ATRNL1: variants seen among roughly 807,000 people sequenced by gnomAD.
ATRNL1 encodes attractin like 1.
In ATRNL1, 95 loss-of-function variants were observed where a neutral mutation model predicts 182.7. The observed-to-expected ratio is 0.52, with a 90% CI of 0.44 to 0.62. The LOEUF (loss-of-function observed/expected upper bound fraction) is 0.62. ATRNL1 is among the 20% of genes least tolerant of loss of function. The pLI is 0.00. For missense variants in ATRNL1, 1,471 were observed against 1,679.5 expected, an observed-to-expected ratio of 0.88 and a Z score of 2.17; for synonymous variants, 576 against 568.3, an observed-to-expected ratio of 1.01 and a Z score of -0.19.
intron 1 of ATRNL1, chr10:115,096,601 T>A: frequency 1.7e-6 from 2 of 1,167,182 alleles, no homozygotes; most frequent in Non-Finnish European, 2.3e-6. Flanking sequence ...GTGTCAAAAT[T>A]AATTGGTTGG....
intron 26 of ATRNL1, among the ~76,000 whole-genome samples, chr10:115,721,147 G>A (rs1285813158): frequency 1.3e-5 from 2 of 152,098 alleles, no homozygotes; most frequent in Non-Finnish European, 2.9e-5. Flanking sequence ...GTTCTGTGAG[G>A]TTCCTGCCAG....
intron 17 of ATRNL1, among the ~76,000 whole-genome samples, chr10:115,314,228 C>G (rs782628017): frequency 6.6e-6 from 1 of 152,108 alleles, no homozygotes; most frequent in Non-Finnish European, 1.5e-5. Context: ...GATACGTACT[C>G]TCTACCTTCC....
Position 115,217,080 on chromosome 10 carries a change from T to C in ATRNL1, c.1532+1200T>C, listed in dbSNP as rs114480632. Among the ~76,000 whole-genome samples the C allele has an allele frequency of 5.5e-3, 834 of 151,776 alleles. 5 individuals are homozygous for C. The highest frequency in any genetic ancestry group is 0.018 in the African/African-American group (745 of 41,162). On this transcript the variant is annotated intron_variant, in intron 9 of 28. Coordinates refer to ENST00000355044, the MANE Select transcript of ATRNL1 (RefSeq NM_207303.4). ...GTCTGTTACACATTTTAAACATGTATTTAATTTAATTTAATTTATTTATTT... is the reference window on the plus strand; with the variant it reads ...GTCTGTTACACATTTTAAACATGTACTTAATTTAATTTAATTTATTTATTT...
intron 28 of ATRNL1, among the ~76,000 whole-genome samples, chr10:115,856,194 C>G (rs868978468): frequency 6.6e-6 from 1 of 151,580 alleles, no homozygotes; most frequent in Admixed American, 6.6e-5. Context: ...TTTGGGAGGC[C>G]GAGGCAGGTG....
chr10:115,257,295 T>A (rs1263854265), intron 10 of ATRNL1, among the ~76,000 whole-genome samples: 4 of 152,212 alleles, frequency 2.6e-5, no homozygotes, highest in African/African-American at 7.2e-5. Flanking sequence ...GGGCTTGCTT[T>A]ATCAGTCTGG....
intron 28 of ATRNL1, among the ~76,000 whole-genome samples, chr10:115,871,019 A>C (rs1015267392): frequency 6.6e-6 from 1 of 152,302 alleles, no homozygotes; most frequent in African/African-American, 2.4e-5. Flanking sequence ...ACATTAGATA[A>C]CACAAATATT....
At chr10:115,362,659 A>G (rs1169514152) in intron 19 of ATRNL1, among the ~76,000 whole-genome samples, 2 of 151,986 alleles carry the variant, frequency 1.3e-5, no homozygotes, top group Non-Finnish European at 2.9e-5. Flanking sequence ...TCCCAATGCT[A>G]TCCCTCCCAC....
In ATRNL1 at chr10:115,615,151, A is replaced by G. The variant is rs569313694; in HGVS notation, c.3795+65615A>G. Among the ~76,000 whole-genome samples, 109 of 152,186 alleles carry G rather than the reference A, an allele frequency of 7.2e-4. No individual in the cohort carries two copies. In the South Asian group the frequency reaches 0.02, roughly 28 times the overall value. On this transcript the variant is annotated intron_variant, in intron 26 of 28. Coordinates refer to ENST00000355044, the MANE Select transcript of ATRNL1 (RefSeq NM_207303.4). ...TGGTTTGGTGGTTTTCTGCAATGAT[A>G]ACATTTGATTCCTTTCTCTTTCTCA...
chr10:115,114,417 C>T (rs1844388529), intron 1 of ATRNL1, among the ~76,000 whole-genome samples: 1 of 152,068 alleles, frequency 6.6e-6, no homozygotes, highest in South Asian at 2.1e-4. Flanking sequence ...CAAGAAGCTT[C>T]TATACATCAA....
chr10:115,484,918 A>G (rs1848948431), intron 24 of ATRNL1, among the ~76,000 whole-genome samples: 1 of 151,880 alleles, frequency 6.6e-6, no homozygotes. Flanking sequence ...AATCAGGAGC[A>G]TGCAATAGGG....
chr10:115,676,543 A>G (rs150661056), intron 26 of ATRNL1, among the ~76,000 whole-genome samples: 2 of 152,080 alleles, frequency 1.3e-5, no homozygotes, highest in African/African-American at 4.8e-5. Context: ...ATCTCTGTCT[A>G]TGTATGTATA....
chr10:115,322,807 A>T (rs1170504931), intron 18 of ATRNL1, among the ~76,000 whole-genome samples: 1 of 152,092 alleles, frequency 6.6e-6, no homozygotes, highest in Non-Finnish European at 1.5e-5. Context: ...ATATATTATT[A>T]TACTGCTTAC....
intron 17 of ATRNL1, among the ~76,000 whole-genome samples, chr10:115,313,269 T>G (rs1194658786): frequency 6.6e-6 from 1 of 152,106 alleles, no homozygotes; most frequent in Non-Finnish European, 1.5e-5. Context: ...CTTATAATTA[T>G]TTTTGAATTT....
intron 24 of ATRNL1, among the ~76,000 whole-genome samples, chr10:115,469,782 T>C (rs1554971765): frequency 1.3e-5 from 2 of 150,594 alleles, no homozygotes; most frequent in African/African-American, 4.8e-5. Context: ...CCTCTCATCA[T>C]TAATTTCCTA....
Position 115,572,470 on chromosome 10 carries a change from G to T in ATRNL1, c.3795+22934G>T, listed in dbSNP as rs565934000. Among the ~76,000 whole-genome samples, 396 of 152,194 alleles carry T rather than the reference G, an allele frequency of 2.6e-3. 1 individual carries two copies. The highest frequency in any genetic ancestry group is 9.0e-3 in the African/African-American group (372 of 41,528). ...ACTAATTCTCACTCTACAATCTAGG[G>T]TTTTACCTTCAAAAACTAGGTACAT... On this transcript the variant is annotated intron_variant, in intron 26 of 28. Coordinates refer to ENST00000355044, the MANE Select transcript of ATRNL1 (RefSeq NM_207303.4).
intron 19 of ATRNL1, among the ~76,000 whole-genome samples, chr10:115,362,458 T>C (rs912838245): frequency 1.3e-4 from 20 of 152,096 alleles, no homozygotes; most frequent in Admixed American, 9.8e-4. Context: ...AACATACTTA[T>C]GATTTTTTGT....
chr10:115,863,755 G>T (rs1301787279), intron 28 of ATRNL1, among the ~76,000 whole-genome samples: 1 of 152,120 alleles, frequency 6.6e-6, no homozygotes, highest in Non-Finnish European at 1.5e-5. Context: ...TCATCTCTTG[G>T]TTTTTTAACA....
intron 24 of ATRNL1, among the ~76,000 whole-genome samples, chr10:115,512,405 C>T (rs1850428902): frequency 6.6e-6 from 1 of 151,800 alleles, no homozygotes; most frequent in Non-Finnish European, 1.5e-5. Context: ...GTACCTTCTT[C>T]CTTTCATAGC....
chr10:115,340,389 C>T (rs1385990089), intron 19 of ATRNL1, among the ~76,000 whole-genome samples: 2 of 151,942 alleles, frequency 1.3e-5, no homozygotes, highest in East Asian at 1.9e-4. Context: ...CATCTGACAG[C>T]CTTGGCCTCC....
Sources: gnomAD v4.1 joint callset for allele counts (sites outside exome capture counted in the v4.1 genomes callset) on GRCh38, gnomAD v4.1.1 for gene constraint, MANE v1.5 for transcripts, NCBI Gene and HGNC (gene_info 2026-07-23, HGNC 2026-07-21) for gene names.